The following ETS1 variants were observed in gnomAD, a reference collection of about 807,000 sequenced individuals.
ETS1 encodes the protein protein C-ets-1.
A neutral mutation model predicts 58.6 loss-of-function variants in ETS1; 15 were observed. The ratio of observed to expected loss-of-function variants is 0.26; its 90% CI spans 0.17 to 0.39. The LOEUF is 0.39. Among genes scored for constraint, ETS1 ranks in the 10% least tolerant of loss-of-function variants. The pLI, the probability that ETS1 is intolerant of heterozygous loss-of-function variation, is 1.00. For missense variants in ETS1, 417 were observed against 610.5 expected, an observed-to-expected ratio of 0.68 and a Z score of 3.34; for synonymous variants, 214 against 218.2, an observed-to-expected ratio of 0.98 and a Z score of 0.17.
At chr11:128,477,992 CCA>C (rs1862369983) in intron 8 of ETS1, among the ~76,000 whole-genome samples, 1 of 152,066 alleles carries the variant, frequency 6.6e-6, no homozygotes. Context: ...TTGCCTAAAA[CCA>C]CACAGTGTGT....
chr11:128,507,594 C>T lies in ETS1; in HGVS notation c.215-17018G>A, dbSNP rs751972581. Among the ~76,000 whole-genome samples the T allele has an allele frequency of 8.4e-4, 128 of 152,296 alleles. 2 individuals carry two copies. Among genetic ancestry groups the T allele is most frequent in the Non-Finnish European group, 1.5e-3 (103 of 68,018 alleles). On this transcript the variant is annotated intron_variant, in intron 3 of 9. Transcript: ENST00000392668. ...ACCATTGCAATCAGCAACCAGCAAA[C>T]CCCAGAGGTGCATGGTTCCTGCAGA...
intron 8 of ETS1, among the ~76,000 whole-genome samples, chr11:128,467,656 T>C (rs543026312): frequency 1.3e-5 from 2 of 152,166 alleles, no homozygotes; most frequent in East Asian, 3.9e-4. Context: ...GCGCCAGTCA[T>C]GGGAAGGGGA....
chr11:128,557,176 G>A (rs1293992033), intron 2 of ETS1, among the ~76,000 whole-genome samples: 1 of 152,168 alleles, frequency 6.6e-6, no homozygotes, highest in African/African-American at 2.4e-5. Context: ...GCCTGGGCCT[G>A]TTCCTTAATC....
At chr11:128,542,880 A>C (rs1200068662) in intron 3 of ETS1, among the ~76,000 whole-genome samples, 1 of 152,156 alleles carries the variant, frequency 6.6e-6, no homozygotes, top group Non-Finnish European at 1.5e-5. Context: ...TTGATTTATA[A>C]ATTTTCTTTA....
At chr11:128,533,188 T>G (rs1293112296) in intron 3 of ETS1, among the ~76,000 whole-genome samples, 1 of 152,238 alleles carries the variant, frequency 6.6e-6, no homozygotes, top group African/African-American at 2.4e-5. Context: ...ATACTGCTTT[T>G]AAAATAAATT....
At chr11:128,497,512 T>A (rs961908811) in intron 3 of ETS1, 1 of 784,214 alleles carries the variant, frequency 1.3e-6, no homozygotes, top group East Asian at 1.3e-4. Context: ...TCCTGCCCCA[T>A]CCCCCAAAAG....
intron 2 of ETS1, among the ~76,000 whole-genome samples, chr11:128,560,973 G>T (rs1020948767): frequency 2.0e-5 from 3 of 152,122 alleles, no homozygotes; most frequent in Non-Finnish European, 4.4e-5. Context: ...AGCAAAAGAA[G>T]AGGAAGATAA....
At chr11:128,538,755 TACAC>T (rs141065992) in intron 3 of ETS1, among the ~76,000 whole-genome samples, 1,750 of 144,946 alleles carry the variant, frequency 0.012, 19 homozygotes, top group African/African-American at 0.029. Flanking sequence ...CATACACACA[TACAC>T]ACACACACAC....
At chr11:128,578,403 C>T (rs1298825214) in intron 1 of ETS1, among the ~76,000 whole-genome samples, 3 of 152,084 alleles carry the variant, frequency 2.0e-5, no homozygotes, top group Non-Finnish European at 4.4e-5. Flanking sequence ...AAGCCTTTTT[C>T]ATTTGGGGTT....
rs1333466669 is a variant in ETS1 at position 128,460,035 on chromosome 11, A to G, written c.*2326T>C. On this transcript the variant is annotated 3_prime_UTR_variant, in exon 10 of 10. Coordinates refer to ENST00000392668, the MANE Select transcript of ETS1 (RefSeq NM_001143820.2). ...TGTGGAAAGACTTACCTAGAAATCT[A>G]AGGTATTATTTCAGCTGCAGTTTTG... 6.6e-6 allele frequency: 1 copy of G among 152,520 alleles called. No individual in the cohort carries two copies. Among genetic ancestry groups the G allele is most frequent in the East Asian group, 1.9e-4 (1 of 5,330 alleles). 9.4% of individuals were successfully genotyped at this position (152,520 alleles called of 1,614,324 possible).
At chr11:128,521,799 C>T (rs533222050) in intron 3 of ETS1, 1 of 761,260 alleles carries the variant, frequency 1.3e-6, no homozygotes, top group African/African-American at 1.8e-5. Flanking sequence ...CAGCATCCCC[C>T]GCTCCTGAAG....
intron 3 of ETS1, among the ~76,000 whole-genome samples, chr11:128,521,473 C>G (rs1863666705): frequency 6.6e-6 from 1 of 152,182 alleles, no homozygotes; most frequent in Non-Finnish European, 1.5e-5. Flanking sequence ...TGAAGGCCAA[C>G]CCGTTAGACT....
intron 3 of ETS1, among the ~76,000 whole-genome samples, chr11:128,523,406 T>A (rs1436636383): frequency 1.3e-5 from 2 of 152,242 alleles, no homozygotes; most frequent in Non-Finnish European, 2.9e-5. Context: ...TCTAAATACA[T>A]AGCTAGAACC....
At chr11:128,522,832 G>C (rs993783907) in intron 3 of ETS1, among the ~76,000 whole-genome samples, 8 of 152,222 alleles carry the variant, frequency 5.3e-5, no homozygotes, top group African/African-American at 1.9e-4. Flanking sequence ...AGGCGCAGGG[G>C]ATTCGTGAGC....
chr11:128,584,460 G>T (rs555034032), intron 1 of ETS1, among the ~76,000 whole-genome samples: 3 of 152,274 alleles, frequency 2.0e-5, no homozygotes, highest in Non-Finnish European at 4.4e-5. Context: ...TGGTAAATGG[G>T]GATGACGAGA....
At chr11:128,485,904 T>G (rs1224231427) in intron 6 of ETS1, among the ~76,000 whole-genome samples, 165 bp downstream of exon 6, 1 of 152,190 alleles carries the variant, frequency 6.6e-6, no homozygotes, top group Non-Finnish European at 1.5e-5. Flanking sequence ...GTTGAAACTT[T>G]GTGCTTTGTG....
chr11:128,524,835 T>C (rs1163609687), intron 3 of ETS1, among the ~76,000 whole-genome samples: 1 of 152,194 alleles, frequency 6.6e-6, no homozygotes, highest in Non-Finnish European at 1.5e-5. Context: ...CTTGTGAAGA[T>C]GAACTAAAAA....
Position 128,539,437 on chromosome 11 carries a change from G to A in ETS1, c.214+16854C>T, listed in dbSNP as rs528123416. ...AGGTATAAGAATGACTGGTAAACAC[G>A]TGAGAAAAGCTCAATATCATTAATT... On this transcript the variant is annotated intron_variant, in intron 3 of 9. Coordinates refer to ENST00000392668, the MANE Select transcript of ETS1 (RefSeq NM_001143820.2). 2.2e-4 allele frequency among the ~76,000 whole-genome samples: 34 copies of A among 152,254 alleles called. No individual in the cohort carries two copies. The South Asian group carries it at 4.4e-3, about 19-fold the overall frequency.
At chr11:128,514,210 A>T (rs983373050) in intron 3 of ETS1, among the ~76,000 whole-genome samples, 1 of 152,122 alleles carries the variant, frequency 6.6e-6, no homozygotes, top group African/African-American at 2.4e-5. Context: ...ACTGATACAG[A>T]GGTTTTAACA....
Sources: gnomAD v4.1 joint callset for allele counts (sites outside exome capture counted in the v4.1 genomes callset) on GRCh38, gnomAD v4.1.1 for gene constraint, MANE v1.5 for transcripts, NCBI Gene and HGNC (gene_info 2026-07-23, HGNC 2026-07-21) for gene names.